The following GRTP1 variants were observed in gnomAD, a reference collection of about 807,000 sequenced individuals.
GRTP1 encodes growth hormone-regulated TBC protein 1.
GRTP1 carries 56 observed loss-of-function variants against 38.1 expected under a neutral mutation model. The observed-to-expected ratio is 1.47, with a 90% CI of 1.19 to 1.84. The LOEUF is 1.84. Among genes scored for constraint, GRTP1 ranks in the 40% most tolerant of loss-of-function variants. GRTP1 has a pLI of 0.00. For synonymous variants in GRTP1, 217 were observed against 189.5 expected (o/e 1.14, Z -1.19); for missense variants, 506 against 453.9 (o/e 1.11, Z -1.04).
At position 113,346,626 on chromosome 13, in the gene GRTP1, GGA is replaced by G; in HGVS notation, c.466-1669_466-1668del. Among the ~76,000 whole-genome samples, 2 of 8,128 alleles carry G rather than the reference GGA, an allele frequency of 2.5e-4. 1 individual carries two copies. Among genetic ancestry groups the G allele is most frequent in the African/African-American group, 2.8e-4 (2 of 7,078 alleles). The allele number at this position is 8,128 out of a possible 152,430, so 5.3% of individuals were successfully genotyped here. A position where few individuals can be genotyped will look rare whatever the true frequency, so the allele number is the denominator to read the frequency against. On this transcript the variant is annotated intron_variant, in intron 4 of 7. Coordinates refer to ENST00000375431, the MANE Select transcript of GRTP1 (RefSeq NM_024719.4). ...TCTGTGCCTGACAGTGGACCCGGGA[GGA>G]CCTCTGTGGCTGAGAGCGGACCTGG... is the stretch of plus-strand genomic sequence containing the variant.
chr13:113,346,639 T>C (rs371398604), intron 4 of GRTP1, among the ~76,000 whole-genome samples: 11 of 854 alleles, frequency 0.013, 1 homozygote, highest in Non-Finnish European at 0.045. Flanking sequence ...CCTCTGTGGC[T>C]GAGAGCGGAC....
intron 2 of GRTP1, chr13:113,359,557 G>A (rs755704662): frequency 2.6e-5 from 4 of 152,332 alleles, no homozygotes; most frequent in Middle Eastern, 3.4e-3. Context: ...CTGGGTGACA[G>A]AGCAAGACCC....
At chr13:113,330,612 C>A (rs2042850813) in intron 5 of GRTP1, among the ~76,000 whole-genome samples, 1 of 132,822 alleles carries the variant, frequency 7.5e-6, no homozygotes, top group South Asian at 2.6e-4. Flanking sequence ...GCATGGGAGC[C>A]CAGGTGTGTG....
In GRTP1 at chr13:113,363,807, A is replaced by G. The variant is rs2043547311; in HGVS notation, c.136T>C (p.Trp46Arg). 2 of 1,611,366 alleles carry G rather than the reference A, an allele frequency of 1.2e-6. No individual in the cohort carries two copies. Among genetic ancestry groups the G allele is most frequent in the East Asian group, 4.5e-5 (2 of 44,768 alleles). Residue 46 changes from tryptophan (W) to arginine (R), a missense_variant, in exon 2 of 8, where the codon TGG becomes CGG. Coordinates refer to ENST00000375431, the MANE Select transcript of GRTP1 (RefSeq NM_024719.4). ...CCCCCGCCCTGCAGCAGCCGGGACC[A>G]TTTGATCGCCCTGCGGGTGAGCGTG... ...LVTLTRRAIK[W>R]SRLLQGGGVP...
chr13:113,352,667 C>G (rs1425326883), intron 3 of GRTP1, among the ~76,000 whole-genome samples: 1 of 152,134 alleles, frequency 6.6e-6, no homozygotes, highest in African/African-American at 2.4e-5. Context: ...TGAGCCACCA[C>G]ACTAAGTTTC....
At chr13:113,351,221 C>T (rs995827733) in intron 3 of GRTP1, among the ~76,000 whole-genome samples, 5 of 152,150 alleles carry the variant, frequency 3.3e-5, no homozygotes, top group Admixed American at 2.0e-4. Flanking sequence ...GACAGCAGAG[C>T]GACCCCAGAG....
intron 5 of GRTP1, among the ~76,000 whole-genome samples, chr13:113,337,091 C>T (rs1156598660): frequency 6.6e-6 from 1 of 152,024 alleles, no homozygotes; most frequent in Non-Finnish European, 1.5e-5. Context: ...CCCAAGAGTT[C>T]GAGACCAGCC....
intron 4 of GRTP1, among the ~76,000 whole-genome samples, chr13:113,346,161 C>CCGAGAGCAGACCCGGGAGGACCTCTGTGG (rs1566429387): frequency 2.3e-5 from 1 of 42,934 alleles, no homozygotes; most frequent in African/African-American, 8.6e-5. Flanking sequence ...GACCTCTGTG[C>CCGAGAGCAGACCCGGGAGGACCTCTGTGG]CTGACAGTGG....
At position 113,344,863 on chromosome 13, in the gene GRTP1, C is replaced by G. The variant is rs765396439; in HGVS notation, c.562G>C (p.Asp188His). 43 of 1,603,708 alleles carry G rather than the reference C, an allele frequency of 2.7e-5. No homozygotes were observed. The highest frequency in any genetic ancestry group is 3.7e-5 in the Non-Finnish European group (43 of 1,177,652). The change falls in exon 5 of 8, where the codon GAT becomes CAT. Residue 188 changes from aspartate (D) to histidine (H), a missense_variant and splice_region_variant. Transcript: ENST00000375431. ...CATACCGCAGGAATTTTCAACATAC[C>G]TGGTAGTATTCTTCCAACAAGAGCA... ...LDALVGRILP[D>H]YYSPAMLGLK...
At chr13:113,355,546 T>C in intron 2 of GRTP1, 65 bp from the exon 3 acceptor site, 1 of 1,485,800 alleles carries the variant, frequency 6.7e-7, no homozygotes, top group Non-Finnish European at 9.0e-7. Flanking sequence ...CACGCGTTCC[T>C]GCCACACTTT....
chr13:113,329,851 AGT>A (rs2042831644), intron 5 of GRTP1, among the ~76,000 whole-genome samples: 1 of 152,238 alleles, frequency 6.6e-6, no homozygotes, highest in Non-Finnish European at 1.5e-5. Flanking sequence ...ACACAATGGA[AGT>A]GACTCATAAA....
At position 113,356,601 on chromosome 13, in the gene GRTP1, G is replaced by A. The variant is rs1029500344; in HGVS notation, c.182-1120C>T. Among the ~76,000 whole-genome samples, 5 of 152,076 alleles carry A rather than the reference G, an allele frequency of 3.3e-5. 1 individual carries two copies. The highest frequency in any genetic ancestry group is 7.4e-5 in the Non-Finnish European group (5 of 68,018). On this transcript the variant is annotated intron_variant, in intron 2 of 7. Transcript: ENST00000375431. ...TTGAAAAGAAACCAATATTTTAAAA[G>A]AAACCATACTTTACAAAAGAAAAGA...
intron 2 of GRTP1, chr13:113,361,722 G>A (rs2043503445): frequency 1.3e-5 from 2 of 152,130 alleles, no homozygotes; most frequent in Admixed American, 6.6e-5. Context: ...GCCATGGGTG[G>A]GAGAGAAACT....
chr13:113,333,838 AGTGTGTGTGTGTGTGT>A (rs1555314877), intron 5 of GRTP1, among the ~76,000 whole-genome samples: 5 of 23,546 alleles, frequency 2.1e-4, no homozygotes, highest in African/African-American at 3.4e-4. Context: ...TTATTTATTT[AGTGTGTGTGTGTGTGT>A]GTGTGTGTGT....
Position 113,355,599 on chromosome 13 carries a change from C to A in GRTP1, c.182-118G>T, listed in dbSNP as rs933966327. 7 of 1,230,352 alleles carry A rather than the reference C, an allele frequency of 5.7e-6. No individual in the cohort carries two copies. The Admixed American group carries it at 2.1e-4, about 37-fold the overall frequency. The allele number at this position is 1,230,352 out of a possible 1,614,324, so 76.2% of individuals were successfully genotyped here. ...CTTCTTAAATCAAATATTAAAGAGA[C>A]CCAGAACTTCGTCCATCTCCACCAA... On this transcript the variant is annotated intron_variant, in intron 2 of 7. Coordinates refer to ENST00000375431, the MANE Select transcript of GRTP1 (RefSeq NM_024719.4).
chr13:113,341,768 T>G (rs964946475), intron 5 of GRTP1, among the ~76,000 whole-genome samples: 2 of 152,068 alleles, frequency 1.3e-5, no homozygotes, highest in Non-Finnish European at 2.9e-5. Context: ...TACCTCTGAG[T>G]AGGAGATAAA....
rs769094939 is a variant in GRTP1 at position 113,325,504 on chromosome 13, CA to C, written c.921+156del. 7 of 1,487,800 alleles carry C rather than the reference CA, an allele frequency of 4.7e-6. No individual in the cohort carries two copies. The Admixed American group carries it at 1.5e-4, about 31-fold the overall frequency. 92.2% of individuals were successfully genotyped at this position (1,487,800 alleles called of 1,614,324 possible). On this transcript the variant is annotated intron_variant, in intron 7 of 7. Coordinates refer to ENST00000375431, the MANE Select transcript of GRTP1 (RefSeq NM_024719.4). ...CAGGAAAGCCCTCGGAGGCCAGGCG[CA>C]GGGGGCAGATGCAGGACAGAGCTGG... is the stretch of plus-strand genomic sequence containing the variant.
intron 5 of GRTP1, among the ~76,000 whole-genome samples, chr13:113,336,358 A>AACAAACAAACAG (rs1475197909): frequency 6.6e-6 from 1 of 151,934 alleles, no homozygotes; most frequent in South Asian, 2.1e-4. Flanking sequence ...AAAACAAACA[A>AACAAACAAACAG]ACATGCAAAG....
intron 5 of GRTP1, among the ~76,000 whole-genome samples, chr13:113,333,838 A>ATTTAGT (rs749095615): frequency 0.013 from 317 of 23,528 alleles, 3 homozygotes; most frequent in African/African-American, 0.02. Flanking sequence ...TTATTTATTT[A>ATTTAGT]GTGTGTGTGT....
Sources: gnomAD v4.1 joint callset for allele counts (sites outside exome capture counted in the v4.1 genomes callset) on GRCh38, gnomAD v4.1.1 for gene constraint, MANE v1.5 for transcripts, NCBI Gene and HGNC (gene_info 2026-07-23, HGNC 2026-07-21) for gene names.